The following SOX9 variants were observed in gnomAD, a reference collection of about 807,000 sequenced individuals.
SOX9 encodes the protein SRY-box transcription factor 9.
Under a neutral mutation model 44.8 loss-of-function variants are expected in SOX9, and 2 were observed. The observed-to-expected ratio is 0.04, with a 90% CI of 0.02 to 0.14. The LOEUF (loss-of-function observed/expected upper bound fraction) is 0.14, where lower values mean the gene tolerates loss of function less well. SOX9 is among the 10% of genes least tolerant of loss of function. The probability of loss-of-function intolerance (pLI) is 1.00; values close to 1 mark genes in which losing one functional copy is unlikely to be tolerated. For missense variants in SOX9, 583 were observed against 728.6 expected (o/e 0.80, Z 2.30); for synonymous variants, 381 against 331.8 (o/e 1.15, Z -1.61).
At position 72,121,427 on chromosome 17, in the gene SOX9, C is replaced by A; in HGVS notation, c.36C>A (p.Asp12Glu). 1.2e-6 allele frequency: 2 copies of A among 1,612,816 alleles called. No individual in the cohort carries two copies. The highest frequency in any genetic ancestry group is 1.7e-6 in the Non-Finnish European group (2 of 1,179,858). ...NLLDPFMKMT[D>E]EQEKGLSGAP... ...TGGACCCCTTCATGAAGATGACCGA[C>A]GAGCAGGAGAAGGGCCTGTCCGGCG... is the stretch of plus-strand genomic sequence containing the variant. The change falls in exon 1 of 3, where the codon GAC (aspartate) becomes GAA (glutamate). Residue 12 changes from aspartate to glutamate, a missense_variant. Coordinates refer to ENST00000245479, the MANE Select transcript of SOX9 (RefSeq NM_000346.4). The surrounding 1 kb of genome is among the most constrained non-coding windows in gnomAD (Gnocchi z 8.3).
rs941240366 is a variant in SOX9, at chr17:72,124,581, A to G, written c.*194A>G. 5 of 714,318 alleles carry G rather than the reference A, an allele frequency of 7.0e-6. No individual in the cohort carries two copies. The highest frequency in any genetic ancestry group is 5.4e-5 in the East Asian group (2 of 36,926). 44.2% of individuals were successfully genotyped at this position (714,318 alleles called of 1,614,324 possible). A position where few individuals can be genotyped will look rare whatever the true frequency, so the allele number is the denominator to read the frequency against. On this transcript the variant is annotated 3_prime_UTR_variant, in exon 3 of 3. Transcript: ENST00000245479. This position sits in a 1 kb window ranked among gnomAD's most constrained non-coding sequence, Gnocchi z 4.6. ...CTCGTACCCAAATTTCCAAGACACA[A>G]ACATGACCTATCCAAGCGCATTACC...
rs1908268620 is a variant in SOX9 at position 72,125,839 on chromosome 17, T to C, written c.*1452T>C. 4.3e-6 allele frequency: 1 copy of C among 232,078 alleles called. No homozygotes were observed. The allele number at this position is 232,078 out of a possible 1,614,324, so 14.4% of individuals were successfully genotyped here. A position where few individuals can be genotyped will look rare whatever the true frequency, so the allele number is the denominator to read the frequency against. On this transcript the variant is annotated 3_prime_UTR_variant, in exon 3 of 3. Coordinates refer to ENST00000245479, the MANE Select transcript of SOX9 (RefSeq NM_000346.4). ...TATAAATGAGAGATTGCAAATGTAG[T>C]GTATCACTGAGTCATTTGCAGTGTT...
chr17:72,121,920 G>A lies in SOX9; in HGVS notation c.431+98G>A. 7.1e-7 allele frequency: 1 copy of A among 1,399,394 alleles called. No homozygotes were observed. The highest frequency in any genetic ancestry group is 1.5e-5 in the South Asian group (1 of 67,292). The allele number at this position is 1,399,394 out of a possible 1,614,324, so 86.7% of individuals were successfully genotyped here. On this transcript the variant is annotated intron_variant, in intron 1 of 2. Coordinates refer to ENST00000245479, the MANE Select transcript of SOX9 (RefSeq NM_000346.4). This position sits in a 1 kb window ranked among gnomAD's most constrained non-coding sequence, Gnocchi z 8.3. ...CCCCGCCCCGCCTCCCATCGCCCGG[G>A]AGTTGCCGTTCCGGGAGCCGGCGGG...
rs376470765 is a variant in SOX9 at position 72,123,969 on chromosome 17, C to T, written c.1112C>T (p.Ala371Val). ...QPQAAPPQQP[A>V]APPQQPQAHT... ...CAGGCGGCGCCCCCACAGCAGCCGG[C>T]GGCACCCCCGCAGCAGCCACAGGCG... The change falls in exon 3 of 3, where the codon GCG becomes GTG. Residue 371 changes from alanine (A) to valine (V), a missense_variant. Ala to Val is a moderately conservative substitution (Grantham distance 64, BLOSUM62 0). Transcript: ENST00000245479. The surrounding 1 kb of genome is among the most constrained non-coding windows in gnomAD (Gnocchi z 6.5). 38 of 1,475,414 alleles carry T rather than the reference C, an allele frequency of 2.6e-5. No homozygotes were observed. The highest frequency in any genetic ancestry group is 4.3e-5 in the African/African-American group (3 of 69,352). 91.4% of individuals were successfully genotyped at this position (1,475,414 alleles called of 1,614,324 possible).
Position 72,124,027 on chromosome 17 carries a change from C to A in SOX9, c.1170C>A (p.Gly390=), listed in dbSNP as rs758356407. Residue 390 remains glycine, a synonymous_variant, in exon 3 of 3, where the codon GGC becomes GGA. Coordinates refer to ENST00000245479, the MANE Select transcript of SOX9 (RefSeq NM_000346.4). This position sits in a 1 kb window ranked among gnomAD's most constrained non-coding sequence, Gnocchi z 4.6. ...HTLTTLSSEP[G]QSQRTHIKTE... is the part of the protein sequence containing the mutation. ...TGACCACGCTGAGCAGCGAGCCGGG[C>A]CAGTCCCAGCGAACGCACATCAAGA... 6.2e-7 allele frequency: 1 copy of A among 1,609,208 alleles called. No homozygotes were observed. The highest frequency in any genetic ancestry group is 1.1e-5 in the South Asian group (1 of 90,830).
At position 72,125,760 on chromosome 17, in the gene SOX9, T is replaced by C. The variant is rs1211323802; in HGVS notation, c.*1373T>C. 2 of 226,386 alleles carry C rather than the reference T, an allele frequency of 8.8e-6. No homozygotes were observed. Among genetic ancestry groups the C allele is most frequent in the Admixed American group, 5.7e-5 (1 of 17,540 alleles). The allele number at this position is 226,386 out of a possible 1,614,324, so 14.0% of individuals were successfully genotyped here. A position where few individuals can be genotyped will look rare whatever the true frequency, so the allele number is the denominator to read the frequency against. On this transcript the variant is annotated 3_prime_UTR_variant, in exon 3 of 3. Transcript: ENST00000245479. ...GTATAAATGCCTTTTTGTCCATCCC[T>C]TTTTTCTTTGTTGTTTTTGTTGAAA...
Position 72,122,703 on chromosome 17 carries a change from GC to G in SOX9, c.432-12del. 1.9e-6 allele frequency: 3 copies of G among 1,612,476 alleles called. No homozygotes were observed. The highest frequency in any genetic ancestry group is 2.5e-6 in the Non-Finnish European group (3 of 1,179,202). Reference sequence around the variant, plus strand: ...CTCCCTCTTTTTCTCTGTGCCCCCCGCCCCGCCCCGAGCAGACTTCTGAACG... The same window carrying G: ...CTCCCTCTTTTTCTCTGTGCCCCCCGCCCGCCCCGAGCAGACTTCTGAACG... On this transcript the variant is annotated splice_polypyrimidine_tract_variant and intron_variant, in intron 1 of 2. Transcript: ENST00000245479.
At position 72,124,566 on chromosome 17, in the gene SOX9, A is replaced by G. The variant is rs1182588226; in HGVS notation, c.*179A>G. The G allele has an allele frequency of 1.3e-6, 1 of 789,394 alleles. No homozygotes were observed. Among genetic ancestry groups the G allele is most frequent in the Non-Finnish European group, 2.1e-6 (1 of 484,536 alleles). 48.9% of individuals were successfully genotyped at this position (789,394 alleles called of 1,614,324 possible). A position where few individuals can be genotyped will look rare whatever the true frequency, so the allele number is the denominator to read the frequency against. ...TTAAGCTAAAGGCAACTCGTACCCA[A>G]ATTTCCAAGACACAAACATGACCTA... On this transcript the variant is annotated 3_prime_UTR_variant, in exon 3 of 3. Transcript: ENST00000245479. This position sits in a 1 kb window ranked among gnomAD's most constrained non-coding sequence, Gnocchi z 4.6.
chr17:72,124,652 CA>C lies in SOX9; in HGVS notation c.*266del, dbSNP rs1908229030. 5.3e-6 allele frequency: 3 copies of C among 567,356 alleles called. No individual in the cohort carries two copies. The highest frequency in any genetic ancestry group is 4.7e-4 in the Middle Eastern group (1 of 2,122). 35.1% of individuals were successfully genotyped at this position (567,356 alleles called of 1,614,324 possible). On this transcript the variant is annotated 3_prime_UTR_variant, in exon 3 of 3. Coordinates refer to ENST00000245479, the MANE Select transcript of SOX9 (RefSeq NM_000346.4). This position sits in a 1 kb window ranked among gnomAD's most constrained non-coding sequence, Gnocchi z 4.6. ...CCAGGCCAACCTTGGCTAAATGGAG[CA>C]GCGAAATCAACGAGAAACTGGACTT... is the stretch of plus-strand genomic sequence containing the variant.
rs1567911605 is a variant in SOX9 at position 72,124,082 on chromosome 17, G to A, written c.1225G>A (p.Glu409Lys). The change falls in exon 3 of 3, where the codon GAG becomes AAG. Residue 409 changes from glutamate to lysine, a missense_variant. Around this residue, in one of 7 missense-constraint regions of SOX9, gnomAD observed 349 missense variants for 387.0 expected, o/e 0.90. Transcript: ENST00000245479. The surrounding 1 kb of genome is among the most constrained non-coding windows in gnomAD (Gnocchi z 4.6). ...TEQLSPSHYS[E>K]QQQHSPQQIA... is the part of the protein sequence containing the mutation. The stretch of plus-strand genomic sequence containing the variant: ...GCAGCTGAGCCCCAGCCACTACAGC[G>A]AGCAGCAGCAGCACTCGCCCCAACA... 3 of 1,613,416 alleles carry A rather than the reference G, an allele frequency of 1.9e-6. No homozygotes were observed. Among genetic ancestry groups the A allele is most frequent in the East Asian group, 2.2e-5 (1 of 44,882 alleles).
Position 72,121,418 on chromosome 17 carries a change from G to A in SOX9, c.27G>A (p.Lys9=), listed in dbSNP as rs747794183. Reference sequence around the variant, plus strand: ...TGAATCTCCTGGACCCCTTCATGAAGATGACCGACGAGCAGGAGAAGGGCC... The same window carrying A: ...TGAATCTCCTGGACCCCTTCATGAAAATGACCGACGAGCAGGAGAAGGGCC... MNLLDPFM[K]MTDEQEKGLS... The change falls in exon 1 of 3, where the codon AAG becomes AAA. Residue 9 remains lysine, a synonymous_variant. Transcript: ENST00000245479. The surrounding 1 kb of genome is among the most constrained non-coding windows in gnomAD (Gnocchi z 8.3). 4 of 1,612,804 alleles carry A rather than the reference G, an allele frequency of 2.5e-6. No individual in the cohort carries two copies. The highest frequency in any genetic ancestry group is 1.7e-4 in the Middle Eastern group (1 of 6,060).
chr17:72,122,728 C>G lies in SOX9; in HGVS notation c.441C>G (p.Asn147Lys). The G allele has an allele frequency of 6.2e-7, 1 of 1,613,944 alleles. No individual in the cohort carries two copies. Among genetic ancestry groups the G allele is most frequent in the Non-Finnish European group, 8.5e-7 (1 of 1,179,976 alleles). ...KTLGKLWRLL[N>K]ESEKRPFVEE... is the part of the protein sequence containing the mutation. ...GCCCCGCCCCGAGCAGACTTCTGAA[C>G]GAGAGCGAGAAGCGGCCCTTCGTGG... The change falls in exon 2 of 3, where the codon AAC becomes AAG. Residue 147 changes from asparagine to lysine, a missense_variant. Around this residue, in one of 7 missense-constraint regions of SOX9, gnomAD observed 21 missense variants for 73.6 expected, o/e 0.29. Coordinates refer to ENST00000245479, the MANE Select transcript of SOX9 (RefSeq NM_000346.4).
Position 72,125,750 on chromosome 17 carries a change from T to C in SOX9, c.*1363T>C, listed in dbSNP as rs1234279546. The C allele has an allele frequency of 4.4e-6, 1 of 226,920 alleles. No individual in the cohort carries two copies. The highest frequency in any genetic ancestry group is 6.4e-5 in the East Asian group (1 of 15,698). 14.1% of individuals were successfully genotyped at this position (226,920 alleles called of 1,614,324 possible). On this transcript the variant is annotated 3_prime_UTR_variant, in exon 3 of 3. Transcript: ENST00000245479. ...CCCTAGATTTGTATAAATGCCTTTTTGTCCATCCCTTTTTTCTTTGTTGTT... is the reference window on the plus strand; with the variant it reads ...CCCTAGATTTGTATAAATGCCTTTTCGTCCATCCCTTTTTTCTTTGTTGTT...
At chr17:72,122,004 G>A (rs1232052314) in intron 1 of SOX9, among the ~76,000 whole-genome samples, 182 bp downstream of exon 1, 1 of 152,216 alleles carries the variant, frequency 6.6e-6, no homozygotes, top group African/African-American at 2.4e-5. Flanking sequence ...AAAGTTCTTG[G>A]GCTGCTCGCG....
In SOX9 at chr17:72,124,155, C is replaced by G. The variant is rs1908209580; in HGVS notation, c.1298C>G (p.Pro433Arg). Residue 433 changes from proline to arginine, a missense_variant, in exon 3 of 3, where the codon CCG (proline) becomes CGG (arginine). This residue lies in a region of SOX9 where 349 missense variants were observed against 387.0 expected (regional missense o/e 0.90). Coordinates refer to ENST00000245479, the MANE Select transcript of SOX9 (RefSeq NM_000346.4). This position sits in a 1 kb window ranked among gnomAD's most constrained non-coding sequence, Gnocchi z 4.6. Reference protein sequence around the residue: ...FNLPHYSPSYPPITRSQYDYT... With the variant: ...FNLPHYSPSYRPITRSQYDYT... ...CTCCCACACTACAGCCCCTCCTACC[C>G]GCCCATCACCCGCTCACAGTACGAC... 6.2e-7 allele frequency: 1 copy of G among 1,613,884 alleles called. No individual in the cohort carries two copies.
In SOX9 at chr17:72,126,341, C is replaced by G. The variant is rs1373464655; in HGVS notation, c.*1954C>G. The G allele has an allele frequency of 2.6e-5, 6 of 228,938 alleles. No individual in the cohort carries two copies. The highest frequency in any genetic ancestry group is 8.6e-6 in the Non-Finnish European group (1 of 116,816). The allele number at this position is 228,938 out of a possible 1,614,324, so 14.2% of individuals were successfully genotyped here. A position where few individuals can be genotyped will look rare whatever the true frequency, so the allele number is the denominator to read the frequency against. ...CAAACCTTTTGTTCTCTCCGTGAAA[C>G]TTACCTTTCCCTTTTTCTTTCTCTT... On this transcript the variant is annotated 3_prime_UTR_variant, in exon 3 of 3. Coordinates refer to ENST00000245479, the MANE Select transcript of SOX9 (RefSeq NM_000346.4).
rs765759003 is a variant in SOX9, at chr17:72,123,945, AGGCGGCGCCCCCACAGCAGCC to A, written c.1095_1115del (p.Ala371_Pro377del). The A allele has an allele frequency of 1.3e-5, 17 of 1,351,358 alleles. No individual in the cohort carries two copies. In the South Asian group the frequency reaches 1.4e-4, roughly 11 times the overall value. 83.7% of individuals were successfully genotyped at this position (1,351,358 alleles called of 1,614,324 possible). On this transcript the variant is annotated inframe_deletion, in exon 3 of 3. Coordinates refer to ENST00000245479, the MANE Select transcript of SOX9 (RefSeq NM_000346.4). This position sits in a 1 kb window ranked among gnomAD's most constrained non-coding sequence, Gnocchi z 6.5. ...GCCCCGCAGGCGCCCCCGCAGCCGC[AGGCGGCGCCCCCACAGCAGCC>A]GGCGGCACCCCCGCAGCAGCCACAG...
rs911792129 is a variant in SOX9 at position 72,122,700 on chromosome 17, C to A, written c.432-19C>A. The A allele has an allele frequency of 6.2e-7, 1 of 1,612,344 alleles. No homozygotes were observed. The highest frequency in any genetic ancestry group is 8.5e-7 in the Non-Finnish European group (1 of 1,179,156). ...CCTCTCCCTCTTTTTCTCTGTGCCC[C>A]CCGCCCCGCCCCGAGCAGACTTCTG... On this transcript the variant is annotated intron_variant, in intron 1 of 2. Coordinates refer to ENST00000245479, the MANE Select transcript of SOX9 (RefSeq NM_000346.4).
At position 72,121,631 on chromosome 17, in the gene SOX9, G is replaced by A; in HGVS notation, c.240G>A (p.Val80=). 6.2e-7 allele frequency: 1 copy of A among 1,601,376 alleles called. No homozygotes were observed. Among genetic ancestry groups the A allele is most frequent in the Non-Finnish European group, 8.5e-7 (1 of 1,174,366 alleles). Residue 80 remains valine (V), a synonymous_variant, in exon 1 of 3, where the codon GTG becomes GTA. Coordinates refer to ENST00000245479, the MANE Select transcript of SOX9 (RefSeq NM_000346.4). This position sits in a 1 kb window ranked among gnomAD's most constrained non-coding sequence, Gnocchi z 8.3. ...GCATCCGCGAGGCGGTCAGCCAGGTGCTCAAAGGCTACGACTGGACGCTGG... is the reference window on the plus strand; with the variant it reads ...GCATCCGCGAGGCGGTCAGCCAGGTACTCAAAGGCTACGACTGGACGCTGG... ...PVCIREAVSQ[V]LKGYDWTLVP... is the part of the protein sequence containing the mutation.
Sources: gnomAD v4.1 joint callset for allele counts (sites outside exome capture counted in the v4.1 genomes callset) on GRCh38, gnomAD v4.1.1 for gene constraint, gnomAD v4.1.1 regional missense constraint, Gnocchi (gnomAD v3.1) non-coding constraint, MANE v1.5 for transcripts, NCBI Gene and HGNC (gene_info 2026-07-23, HGNC 2026-07-21) for gene names.